GTF2IRD1: variants seen among roughly 807,000 people sequenced by gnomAD.
GTF2IRD1 encodes GTF2I repeat domain containing 1.
A neutral mutation model predicts 113.2 loss-of-function variants in GTF2IRD1; 26 were observed. The ratio of observed to expected loss-of-function variants is 0.23; its 90% CI spans 0.17 to 0.32. The LOEUF (loss-of-function observed/expected upper bound fraction) is 0.32, where lower values mean the gene tolerates loss of function less well. Among genes scored for constraint, GTF2IRD1 ranks in the 10% least tolerant of loss-of-function variants. The pLI, the probability that GTF2IRD1 is intolerant of heterozygous loss-of-function variation, is 1.00. For missense variants in GTF2IRD1, 864 were observed against 1,280.8 expected, an observed-to-expected ratio of 0.67 and a Z score of 4.97; for synonymous variants, 484 against 529.1, an observed-to-expected ratio of 0.91 and a Z score of 1.17.
chr7:74,583,372 T>C (rs34307244), intron 22 of GTF2IRD1, among the ~76,000 whole-genome samples: 13 of 97,894 alleles, frequency 1.3e-4, no homozygotes, highest in South Asian at 6.4e-4. Context: ...TTTTTTTTTC[T>C]TTTTTTTTTT....
In GTF2IRD1 at chr7:74,555,126, A is replaced by C; in HGVS notation, c.1917-48A>C. 5.1e-6 allele frequency: 8 copies of C among 1,576,158 alleles called. No individual in the cohort carries two copies. Among genetic ancestry groups the C allele is most frequent in the Non-Finnish European group, 7.0e-6 (8 of 1,149,288 alleles). ...CCAGAGAGGAGGGCTGAGCAGTCCC[A>C]GAGATGCTTGGAGGGACCTCTGTGA... On this transcript the variant is annotated intron_variant, in intron 17 of 26. Coordinates refer to ENST00000424337, the MANE Select transcript of GTF2IRD1 (RefSeq NM_005685.4). This position sits in a 1 kb window ranked among gnomAD's most constrained non-coding sequence, Gnocchi z 5.3.
intron 15 of GTF2IRD1, 127 bp from the exon 16 acceptor site, chr7:74,545,617 G>GC: frequency 2.1e-6 from 1 of 476,264 alleles, no homozygotes; most frequent in Non-Finnish European, 4.2e-6. Flanking sequence ...GTTACCCACC[G>GC]CCCCAGCCCC....
chr7:74,539,044 G>A (rs1364965487), intron 13 of GTF2IRD1, among the ~76,000 whole-genome samples: 1 of 152,198 alleles, frequency 6.6e-6, no homozygotes, highest in African/African-American at 2.4e-5. Context: ...AGCCATGGGT[G>A]TGAGAGGCTC....
intron 24 of GTF2IRD1, among the ~76,000 whole-genome samples, chr7:74,594,570 C>T (rs1802289623): frequency 6.6e-6 from 1 of 152,104 alleles, no homozygotes; most frequent in Non-Finnish European, 1.5e-5. Context: ...ACGTTGTGCC[C>T]CCCATTTTTA....
In GTF2IRD1 at chr7:74,602,535, C is replaced by A; in HGVS notation, c.*102C>A. ...ATGTATCGATGCCTTTTAGTTTTTC[C>A]AATGATTTTTACACTATATTCCTGC... On this transcript the variant is annotated 3_prime_UTR_variant, in exon 27 of 27. Coordinates refer to ENST00000424337, the MANE Select transcript of GTF2IRD1 (RefSeq NM_005685.4). 4.4e-6 allele frequency: 4 copies of A among 899,224 alleles called. No homozygotes were observed. The highest frequency in any genetic ancestry group is 6.8e-6 in the Non-Finnish European group (4 of 592,022). The allele number at this position is 899,224 out of a possible 1,614,324, so 55.7% of individuals were successfully genotyped here. A position where few individuals can be genotyped will look rare whatever the true frequency, so the allele number is the denominator to read the frequency against.
At chr7:74,466,697 C>T (rs1365830579) in intron 1 of GTF2IRD1, among the ~76,000 whole-genome samples, 2 of 152,128 alleles carry the variant, frequency 1.3e-5, no homozygotes, top group Non-Finnish European at 2.9e-5. Flanking sequence ...TTAGGTGCCT[C>T]TTGTCTGTGT....
At chr7:74,505,662 G>C (rs1295428913) in intron 1 of GTF2IRD1, among the ~76,000 whole-genome samples, 1 of 152,234 alleles carries the variant, frequency 6.6e-6, no homozygotes, top group African/African-American at 2.4e-5. Context: ...CAGCAGCTGG[G>C]AGGCTGGCAG....
rs372786161 is a variant in GTF2IRD1, at chr7:74,590,957, G to T, written c.2531G>T (p.Arg844Leu). Reference sequence around the variant, plus strand: ...AACCCCAACACGTACGACATCCACCGGCTGGAGAAGATCCTGAAGGCCCGA... The same window carrying T: ...AACCCCAACACGTACGACATCCACCTGCTGGAGAAGATCCTGAAGGCCCGA... ...FRNPNTYDIHRLEKILKAREH... is the reference protein window; with the variant it reads ...FRNPNTYDIHLLEKILKAREH... The change falls in exon 24 of 27, where the codon CGG becomes CTG. Residue 844 changes from arginine to leucine, a missense_variant. By Grantham distance (102) the Arg-to-Leu change is moderately radical. Coordinates refer to ENST00000424337, the MANE Select transcript of GTF2IRD1 (RefSeq NM_005685.4). 2 of 1,613,592 alleles carry T rather than the reference G, an allele frequency of 1.2e-6. No individual in the cohort carries two copies. Among genetic ancestry groups the T allele is most frequent in the South Asian group, 1.1e-5 (1 of 91,048 alleles).
intron 14 of GTF2IRD1, among the ~76,000 whole-genome samples, chr7:74,542,332 G>A (rs1292832089): frequency 4.0e-5 from 6 of 151,770 alleles, no homozygotes; most frequent in Admixed American, 2.6e-4. Flanking sequence ...CTTGGGAGGC[G>A]GAGTTTGCAG....
chr7:74,488,885 G>A (rs782705801), intron 1 of GTF2IRD1, among the ~76,000 whole-genome samples: 87 of 152,138 alleles, frequency 5.7e-4, no homozygotes, highest in Non-Finnish European at 9.9e-4. Flanking sequence ...GTTCATTCCT[G>A]TAATCCCAGC....
intron 21 of GTF2IRD1, among the ~76,000 whole-genome samples, 195 bp downstream of exon 21, chr7:74,559,239 G>A (rs1302111726): frequency 6.6e-5 from 10 of 152,176 alleles, no homozygotes; most frequent in Admixed American, 3.3e-4. Context: ...CTTCAGAAGT[G>A]GGACTGGTCA....
Position 74,555,511 on chromosome 7 carries a change from G to A in GTF2IRD1, c.2023+17G>A, listed in dbSNP as rs376403348. On this transcript the variant is annotated intron_variant, in intron 19 of 26. Transcript: ENST00000424337. This position sits in a 1 kb window ranked among gnomAD's most constrained non-coding sequence, Gnocchi z 5.3. The stretch of plus-strand genomic sequence containing the variant: ...GCTTTCAAGGTAAGGTTGAGCTCAC[G>A]GGGAGGTCTGTTGTCCCAGCACCAG... The A allele has an allele frequency of 4.8e-5, 72 of 1,490,372 alleles. No homozygotes were observed. The African/African-American group carries it at 7.8e-4, about 16-fold the overall frequency. 92.3% of individuals were successfully genotyped at this position (1,490,372 alleles called of 1,614,324 possible). A position where few individuals can be genotyped will look rare whatever the true frequency, so the allele number is the denominator to read the frequency against.
intron 13 of GTF2IRD1, among the ~76,000 whole-genome samples, chr7:74,538,962 C>T (rs1179410738): frequency 6.6e-6 from 1 of 152,182 alleles, no homozygotes; most frequent in African/African-American, 2.4e-5. Context: ...TCTGACCTTC[C>T]AGAAGGTCCC....
intron 1 of GTF2IRD1, among the ~76,000 whole-genome samples, chr7:74,462,130 T>TACGA (rs1554329440): frequency 3.3e-5 from 5 of 152,076 alleles, no homozygotes; most frequent in Non-Finnish European, 7.4e-5. Context: ...CCCCAGCTAC[T>TACGA]CAGGAGGCTG....
intron 22 of GTF2IRD1, among the ~76,000 whole-genome samples, chr7:74,575,339 A>G (rs1340909481): frequency 6.6e-6 from 1 of 152,190 alleles, no homozygotes; most frequent in Non-Finnish European, 1.5e-5. Flanking sequence ...CCAAGGTATC[A>G]GAGGAAGGTC....
chr7:74,598,532 C>G (rs1290638517), intron 25 of GTF2IRD1, among the ~76,000 whole-genome samples: 1 of 151,908 alleles, frequency 6.6e-6, no homozygotes, highest in African/African-American at 2.4e-5. Flanking sequence ...AGGAGAATTG[C>G]TTGAACCCAG....
In GTF2IRD1 at chr7:74,538,668, TC is replaced by T; in HGVS notation, c.1448-10del. 6.6e-7 allele frequency: 1 copy of T among 1,519,264 alleles called. No individual in the cohort carries two copies. The highest frequency in any genetic ancestry group is 9.1e-7 in the Non-Finnish European group (1 of 1,093,720). 94.1% of individuals were successfully genotyped at this position (1,519,264 alleles called of 1,614,324 possible). On this transcript the variant is annotated splice_polypyrimidine_tract_variant and intron_variant, in intron 12 of 26. Coordinates refer to ENST00000424337, the MANE Select transcript of GTF2IRD1 (RefSeq NM_005685.4). The stretch of plus-strand genomic sequence containing the variant: ...GCCAGACTTGACAGGATTCTTCCTT[TC>T]CTCCTTGCAGGAACCTCCGGGGAGC...
intron 1 of GTF2IRD1, among the ~76,000 whole-genome samples, chr7:74,466,686 G>A (rs1284048190): frequency 2.0e-5 from 3 of 152,050 alleles, no homozygotes; most frequent in Admixed American, 6.6e-5. Context: ...TCCAGGTCAC[G>A]TTAGGTGCCT....
chr7:74,509,540 A>T (rs990727453), intron 2 of GTF2IRD1, among the ~76,000 whole-genome samples: 13 of 152,150 alleles, frequency 8.5e-5, no homozygotes, highest in African/African-American at 1.2e-4. Context: ...AATTAAAAAA[A>T]TTTTTTTAAA....
Sources: gnomAD v4.1 joint callset for allele counts (sites outside exome capture counted in the v4.1 genomes callset) on GRCh38, gnomAD v4.1.1 for gene constraint, Gnocchi (gnomAD v3.1) non-coding constraint, MANE v1.5 for transcripts, NCBI Gene and HGNC (gene_info 2026-07-23, HGNC 2026-07-21) for gene names.